UTRN: variants seen among roughly 807,000 people sequenced by gnomAD.
The protein encoded by UTRN is utrophin.
A neutral mutation model predicts 463.9 loss-of-function variants in UTRN; 283 were observed. That is an observed-to-expected ratio of 0.61 (90% CI 0.55 to 0.67). The LOEUF (loss-of-function observed/expected upper bound fraction) is 0.67. UTRN is among the 30% of genes least tolerant of loss of function. The probability of loss-of-function intolerance (pLI) is 0.00; values close to 1 mark genes in which losing one functional copy is unlikely to be tolerated. For missense variants in UTRN, 3,922 were observed against 4,084.3 expected (o/e 0.96, Z 1.08); for synonymous variants, 1,442 against 1,431.5 (o/e 1.01, Z -0.17).
intron 2 of UTRN, among the ~76,000 whole-genome samples, chr6:144,339,922 C>A (rs1777015064): frequency 6.6e-6 from 1 of 152,218 alleles, no homozygotes; most frequent in Admixed American, 6.5e-5. Flanking sequence ...AATCCCAGGA[C>A]TTTGGGAGGC....
intron 53 of UTRN, among the ~76,000 whole-genome samples, chr6:144,726,134 T>G (rs1204495480): frequency 4.6e-5 from 7 of 152,088 alleles, no homozygotes; most frequent in African/African-American, 1.7e-4. Flanking sequence ...GACCTGACAA[T>G]GATACATTAT....
At chr6:144,454,771 G>A (rs567334559) in intron 19 of UTRN, among the ~76,000 whole-genome samples, 1 of 151,870 alleles carries the variant, frequency 6.6e-6, no homozygotes, top group East Asian at 1.9e-4. Context: ...ACCTTTACTC[G>A]TTCCTCAGCC....
intron 62 of UTRN, among the ~76,000 whole-genome samples, chr6:144,792,709 A>T (rs1188472306): frequency 2.0e-5 from 3 of 152,368 alleles, no homozygotes; most frequent in African/African-American, 7.2e-5. Flanking sequence ...AATTTTTAGA[A>T]CTTGAAAATT....
chr6:144,789,028 C>T (rs545247515), intron 61 of UTRN, among the ~76,000 whole-genome samples, 166 bp from the exon 62 acceptor site: 2 of 152,204 alleles, frequency 1.3e-5, no homozygotes, highest in East Asian at 1.9e-4. Context: ...CATGAAATTA[C>T]AGTATTGGTT....
In UTRN at chr6:144,479,814, C is replaced by T. The variant is rs766611821; in HGVS notation, c.3339C>T (p.Ile1113=). 3.0e-5 allele frequency: 48 copies of T among 1,611,764 alleles called. No individual in the cohort carries two copies. The highest frequency in any genetic ancestry group is 6.7e-5 in the Admixed American group (4 of 59,632). The change falls in exon 26 of 75, where the codon ATC becomes ATT. Residue 1113 remains isoleucine (I), a splice_region_variant and synonymous_variant. Coordinates refer to ENST00000367545, the MANE Select transcript of UTRN (RefSeq NM_007124.3). The part of the protein sequence containing the change: ...QTQLEKLSKE[I]ATQKSRLSES... ...GGGGAATGGCTTTTCCTTTGTAGATCGCTACTCAAAAAAGTAGGTTGTCTG... is the reference window on the plus strand; with the variant it reads ...GGGGAATGGCTTTTCCTTTGTAGATTGCTACTCAAAAAAGTAGGTTGTCTG...
chr6:144,564,146 T>G (rs1290651175), intron 50 of UTRN, among the ~76,000 whole-genome samples: 1 of 152,136 alleles, frequency 6.6e-6, no homozygotes, highest in Non-Finnish European at 1.5e-5. Flanking sequence ...TGACATTGCA[T>G]AGGGGGAGCC....
intron 51 of UTRN, among the ~76,000 whole-genome samples, chr6:144,661,410 CA>C (rs1779850563): frequency 6.6e-6 from 1 of 152,136 alleles, no homozygotes; most frequent in Non-Finnish European, 1.5e-5. Flanking sequence ...TTGCTTCTCC[CA>C]ATCTCTCTCT....
At chr6:144,775,133 G>A (rs914888744) in intron 60 of UTRN, among the ~76,000 whole-genome samples, 1 of 152,134 alleles carries the variant, frequency 6.6e-6, no homozygotes, top group Non-Finnish European at 1.5e-5. Context: ...GCTACCTTTT[G>A]TTAACTGTTA....
Position 144,764,869 on chromosome 6 carries a change from G to A in UTRN, c.8495+6880G>A, listed in dbSNP as rs146083507. 5.8e-3 allele frequency among the ~76,000 whole-genome samples: 883 copies of A among 152,116 alleles called. 6 individuals are homozygous for A. Among genetic ancestry groups the A allele is most frequent in the African/African-American group, 0.018 (761 of 41,500 alleles). The stretch of plus-strand genomic sequence containing the variant: ...AAAGCTACAAATCCAGCTTTTAAAA[G>A]CAAACTTAAAGGATACAATGATCCC... On this transcript the variant is annotated intron_variant, in intron 58 of 74. Coordinates refer to ENST00000367545, the MANE Select transcript of UTRN (RefSeq NM_007124.3).
At chr6:144,784,071 A>G (rs989443994) in intron 61 of UTRN, among the ~76,000 whole-genome samples, 2 of 152,240 alleles carry the variant, frequency 1.3e-5, no homozygotes, top group Admixed American at 1.3e-4. Flanking sequence ...TTTAACTACA[A>G]AACCTGTAAC....
intron 39 of UTRN, among the ~76,000 whole-genome samples, chr6:144,519,885 C>G (rs1795939189): frequency 6.6e-6 from 1 of 152,176 alleles, no homozygotes. Flanking sequence ...ACTGAAGAAG[C>G]AGCACAGGAA....
At chr6:144,782,319 T>C (rs1269012562) in intron 61 of UTRN, among the ~76,000 whole-genome samples, 196 bp downstream of exon 61, 1 of 152,152 alleles carries the variant, frequency 6.6e-6, no homozygotes, top group Non-Finnish European at 1.5e-5. Flanking sequence ...CAGAAAAGAA[T>C]GTACATCTTT....
Position 144,781,449 on chromosome 6 carries a change from A to C in UTRN, c.8633-473A>C, listed in dbSNP as rs577702960. 6.6e-5 allele frequency among the ~76,000 whole-genome samples: 10 copies of C among 152,338 alleles called. 2 individuals are homozygous for C. The South Asian group carries it at 1.2e-3, about 19-fold the overall frequency. ...GTAAATTTTGTATGTAATGATGTAC[A>C]TGATAAAAGACTGTTTAAGAACAAT... On this transcript the variant is annotated intron_variant, in intron 60 of 74. Transcript: ENST00000367545.
intron 2 of UTRN, among the ~76,000 whole-genome samples, chr6:144,316,896 G>A (rs1437013375): frequency 6.6e-6 from 1 of 152,130 alleles, no homozygotes; most frequent in East Asian, 1.9e-4. Flanking sequence ...GAGCCACATA[G>A]GAAGTAGGAT....
chr6:144,612,085 C>T (rs1222754305), intron 51 of UTRN, among the ~76,000 whole-genome samples: 1 of 152,110 alleles, frequency 6.6e-6, no homozygotes, highest in African/African-American at 2.4e-5. Context: ...TTATAGTCAA[C>T]TGATTTTTGA....
intron 43 of UTRN, among the ~76,000 whole-genome samples, chr6:144,533,746 A>T (rs1157706216): frequency 1.4e-5 from 2 of 146,988 alleles, no homozygotes; most frequent in Non-Finnish European, 3.0e-5. Flanking sequence ...ATATAGTATT[A>T]TTAATTTTTA....
At chr6:144,780,728 G>A (rs922430877) in intron 60 of UTRN, among the ~76,000 whole-genome samples, 5 of 152,138 alleles carry the variant, frequency 3.3e-5, no homozygotes, top group Admixed American at 3.3e-4. Flanking sequence ...TGTGTGCCTG[G>A]ACCATGCATT....
intron 2 of UTRN, among the ~76,000 whole-genome samples, chr6:144,387,571 T>C (rs1169737393): frequency 3.3e-5 from 5 of 152,226 alleles, no homozygotes; most frequent in Non-Finnish European, 5.9e-5. Flanking sequence ...GGGAAGAAAG[T>C]GACCTCCATA....
chr6:144,725,920 G>T (rs1245007186), intron 53 of UTRN, among the ~76,000 whole-genome samples: 1 of 152,176 alleles, frequency 6.6e-6, no homozygotes, highest in Non-Finnish European at 1.5e-5. Context: ...TACTTACTTG[G>T]CATGGTTCCC....
Sources: gnomAD v4.1 joint callset for allele counts (sites outside exome capture counted in the v4.1 genomes callset) on GRCh38, gnomAD v4.1.1 for gene constraint, MANE v1.5 for transcripts, NCBI Gene and HGNC (gene_info 2026-07-23, HGNC 2026-07-21) for gene names.